The following SEMA6D variants were observed in gnomAD, a reference collection of about 807,000 sequenced individuals.
SEMA6D encodes semaphorin-6D.
SEMA6D carries 35 observed loss-of-function variants against 106.6 expected under a neutral mutation model. The observed-to-expected ratio is 0.33, with a 90% CI of 0.25 to 0.44. The LOEUF (loss-of-function observed/expected upper bound fraction) is 0.44. Ranked by LOEUF, SEMA6D falls within the 20% of genes least tolerant of loss-of-function variation. SEMA6D has a pLI of 1.00. For synonymous variants in SEMA6D, 499 were observed against 487.7 expected (o/e 1.02, Z -0.31); for missense variants, 1,185 against 1,345.9 (o/e 0.88, Z 1.87).
chr15:47,444,171 A>T (rs2041961917), intron 2 of SEMA6D, among the ~76,000 whole-genome samples: 1 of 152,160 alleles, frequency 6.6e-6, no homozygotes, highest in Admixed American at 6.5e-5. Flanking sequence ...TGAGAAGTAT[A>T]CAAAGTCTCA....
intron 2 of SEMA6D, among the ~76,000 whole-genome samples, chr15:47,436,769 ATAT>A (rs369020826): frequency 0.25 from 23,525 of 95,738 alleles, 2,180 homozygotes; most frequent in South Asian, 0.36. Flanking sequence ...AAAAAAAAAA[ATAT>A]ATATATATAT....
intron 4 of SEMA6D, among the ~76,000 whole-genome samples, chr15:47,679,527 C>T (rs563183082): frequency 2.0e-5 from 3 of 152,182 alleles, no homozygotes; most frequent in African/African-American, 4.8e-5. Flanking sequence ...TCTGGCCCCT[C>T]GGCAGCCCTG....
intron 1 of SEMA6D, among the ~76,000 whole-genome samples, chr15:47,753,463 A>G (rs2081554540): frequency 6.6e-6 from 1 of 152,224 alleles, no homozygotes; most frequent in East Asian, 1.9e-4. Flanking sequence ...AATAATGGAC[A>G]TGATTGACCA....
At chr15:47,726,502 C>T (rs2079761188) in intron 1 of SEMA6D, among the ~76,000 whole-genome samples, 1 of 152,172 alleles carries the variant, frequency 6.6e-6, no homozygotes, top group Non-Finnish European at 1.5e-5. Context: ...AACCAGGGTA[C>T]CTGGACCCAT....
intron 1 of SEMA6D, among the ~76,000 whole-genome samples, chr15:47,374,643 T>C (rs1258479376): frequency 6.6e-6 from 1 of 152,098 alleles, no homozygotes; most frequent in African/African-American, 2.4e-5. Context: ...TGCATTAAGA[T>C]AAGGGTTTTC....
chr15:47,715,970 G>A (rs761986372), upstream of SEMA6D, among the ~76,000 whole-genome samples: 2 of 152,166 alleles, frequency 1.3e-5, no homozygotes, highest in Non-Finnish European at 2.9e-5. Context: ...ATAACTGGAC[G>A]CCAGGAAACA....
chr15:47,666,728 C>T (rs1321615963), intron 4 of SEMA6D, among the ~76,000 whole-genome samples: 1 of 152,206 alleles, frequency 6.6e-6, no homozygotes, highest in Non-Finnish European at 1.5e-5. Flanking sequence ...TTTGTTCTTT[C>T]TCCCTATTCT....
At chr15:47,433,800 G>A (rs1440342511) in intron 2 of SEMA6D, among the ~76,000 whole-genome samples, 3 of 151,954 alleles carry the variant, frequency 2.0e-5, no homozygotes, top group African/African-American at 7.2e-5. Context: ...AGCACAATGG[G>A]GTAAACAGAA....
chr15:47,759,915 G>A lies in SEMA6D; in HGVS notation c.109+8G>A, dbSNP rs757522124. On this transcript the variant is annotated splice_region_variant and intron_variant, in intron 2 of 18. Transcript: ENST00000536845. ...ATACTGTCGACTATCACTGTAAGTC[G>A]TCTCAAGAACAGTCTTCTATTCTGA... is the stretch of plus-strand genomic sequence containing the variant. 32 of 1,580,896 alleles carry A rather than the reference G, an allele frequency of 2.0e-5. No individual in the cohort carries two copies. The highest frequency in any genetic ancestry group is 5.0e-5 in the Admixed American group (3 of 59,938).
intron 1 of SEMA6D, among the ~76,000 whole-genome samples, chr15:47,282,956 A>G (rs954214288): frequency 6.6e-6 from 1 of 152,122 alleles, no homozygotes; most frequent in Non-Finnish European, 1.5e-5. Flanking sequence ...CTGCCAGCCA[A>G]GCTCCTTCAT....
rs769382555 is a variant in SEMA6D at position 47,764,678 on chromosome 15, A to G, written c.1138A>G (p.Lys380Glu). 2 of 1,614,078 alleles carry G rather than the reference A, an allele frequency of 1.2e-6. No individual in the cohort carries two copies. Among genetic ancestry groups the G allele is most frequent in the Non-Finnish European group, 1.7e-6 (2 of 1,179,910 alleles). ...CAKHGLAEAY[K>E]TSIDFPDETL... is the part of the protein sequence containing the mutation. Reference sequence around the variant, plus strand: ...AAAACACGGCCTTGCCGAAGCTTATAAAACCTCCATCGATTTCCCGGATGA... The same window carrying G: ...AAAACACGGCCTTGCCGAAGCTTATGAAACCTCCATCGATTTCCCGGATGA... Residue 380 changes from lysine (K) to glutamate (E), a missense_variant, in exon 12 of 19, where the codon AAA becomes GAA. Around this residue, in one of 3 missense-constraint regions of SEMA6D, gnomAD observed 291 missense variants for 423.8 expected, o/e 0.69. Coordinates refer to ENST00000536845, the MANE Select transcript of SEMA6D (RefSeq NM_001358351.3).
intron 4 of SEMA6D, among the ~76,000 whole-genome samples, chr15:47,654,484 C>T (rs897786371): frequency 1.3e-5 from 2 of 152,124 alleles, no homozygotes; most frequent in South Asian, 2.1e-4. Flanking sequence ...ATATATATAC[C>T]ATTCAGTAAG....
intron 3 of SEMA6D, among the ~76,000 whole-genome samples, chr15:47,497,474 CT>C (rs1304642916): frequency 6.6e-6 from 1 of 152,076 alleles, no homozygotes; most frequent in Non-Finnish European, 1.5e-5. Flanking sequence ...CACATTAACA[CT>C]GCTATTTAGT....
chr15:47,631,414 A>G (rs1408498147), intron 4 of SEMA6D, among the ~76,000 whole-genome samples: 2 of 151,922 alleles, frequency 1.3e-5, no homozygotes, highest in East Asian at 3.9e-4. Flanking sequence ...AATGGCCCCC[A>G]AAGATATCCC....
At chr15:47,580,654 T>C (rs1393010371) in intron 3 of SEMA6D, among the ~76,000 whole-genome samples, 1 of 152,172 alleles carries the variant, frequency 6.6e-6, no homozygotes, top group Non-Finnish European at 1.5e-5. Context: ...TCAACAATTA[T>C]TGATTAAAAG....
chr15:47,325,415 G>A (rs898561167), intron 1 of SEMA6D, among the ~76,000 whole-genome samples: 7 of 151,682 alleles, frequency 4.6e-5, no homozygotes, highest in East Asian at 2.0e-4. Context: ...TCAGGTGATC[G>A]CCCGCCTTGG....
chr15:47,411,930 G>T (rs2040813550), intron 1 of SEMA6D, among the ~76,000 whole-genome samples: 2 of 94,444 alleles, frequency 2.1e-5, no homozygotes, highest in Admixed American at 2.3e-4. Context: ...TGTGACAAGG[G>T]ACTCAGTGAA....
intron 4 of SEMA6D, among the ~76,000 whole-genome samples, chr15:47,702,688 T>G (rs2078836821): frequency 6.6e-6 from 1 of 152,158 alleles, no homozygotes; most frequent in Admixed American, 6.5e-5. Flanking sequence ...AATATTAGAA[T>G]GAAATGAGCT....
intron 2 of SEMA6D, among the ~76,000 whole-genome samples, chr15:47,466,753 C>T (rs1446755500): frequency 1.4e-5 from 2 of 146,916 alleles, no homozygotes; most frequent in Non-Finnish European, 3.0e-5. Context: ...GAAATGGAGT[C>T]TTGCTCTGTC....
Sources: gnomAD v4.1 joint callset for allele counts (sites outside exome capture counted in the v4.1 genomes callset) on GRCh38, gnomAD v4.1.1 for gene constraint, gnomAD v4.1.1 regional missense constraint, MANE v1.5 for transcripts, NCBI Gene and HGNC (gene_info 2026-07-23, HGNC 2026-07-21) for gene names.